Variants in PIEZO1 observed in about 807,000 individuals in gnomAD.
The protein encoded by PIEZO1 is piezo type mechanosensitive ion channel component 1 (Er blood group), also known as piezo-type mechanosensitive ion channel component 1.
A neutral mutation model predicts 297.2 loss-of-function variants in PIEZO1; 296 were observed. That is an observed-to-expected ratio of 1.00 (90% CI 0.91 to 1.10). The LOEUF is 1.10. Ranked by LOEUF, PIEZO1 falls within the 50% of genes least tolerant of loss-of-function variation. The probability of loss-of-function intolerance (pLI) is 0.00; values close to 1 mark genes in which losing one functional copy is unlikely to be tolerated. For missense variants in PIEZO1, 5,018 were observed against 3,455.5 expected (o/e 1.45, Z -11.34); for synonymous variants, 2,427 against 1,507.5 (o/e 1.61, Z -14.13).
intron 1 of PIEZO1, among the ~76,000 whole-genome samples, chr16:88,753,534 C>T (rs1262949231): frequency 2.0e-5 from 3 of 152,006 alleles, no homozygotes; most frequent in East Asian, 1.9e-4. Context: ...TCGGAGTAGC[C>T]GGCTAGCAGG....
At chr16:88,731,564 A>G (rs896324781) in intron 22 of PIEZO1, 142 bp downstream of exon 22, 5 of 634,568 alleles carry the variant, frequency 7.9e-6, no homozygotes, top group African/African-American at 5.5e-5. Context: ...CCTGGGTAGG[A>G]TGTGGAGCAG....
In PIEZO1 at chr16:88,732,742, G is replaced by C. The variant is rs759526354; in HGVS notation, c.2665-10C>G. 2 of 1,538,830 alleles carry C rather than the reference G, an allele frequency of 1.3e-6. No homozygotes were observed. Among genetic ancestry groups the C allele is most frequent in the Non-Finnish European group, 1.8e-6 (2 of 1,140,062 alleles). On this transcript the variant is annotated splice_polypyrimidine_tract_variant and intron_variant, in intron 19 of 50. Transcript: ENST00000301015. ...TGCTGTTGGGGAAGGGCTGGCAAGA[G>C]GCCAGGCATCAGTGCCCCCTCCCAG... is the stretch of plus-strand genomic sequence containing the variant.
chr16:88,724,616 C>G (rs1347634973), intron 30 of PIEZO1, among the ~76,000 whole-genome samples: 4 of 151,842 alleles, frequency 2.6e-5, no homozygotes, highest in Non-Finnish European at 5.9e-5. Context: ...ATCACTTGAA[C>G]CCGGGAGGTA....
At chr16:88,752,582 G>C (rs552710666) in intron 1 of PIEZO1, among the ~76,000 whole-genome samples, 1 of 152,356 alleles carries the variant, frequency 6.6e-6, no homozygotes, top group East Asian at 1.9e-4. Context: ...GGCTGCAAGG[G>C]GCTGGGGCTG....
intron 42 of PIEZO1, 43 bp from the exon 43 acceptor site, chr16:88,720,003 C>T (rs1004677873): frequency 2.6e-6 from 4 of 1,549,084 alleles, no homozygotes; most frequent in Non-Finnish European, 3.5e-6. Flanking sequence ...CAGAAACAGC[C>T]CCGCAGGGCC....
At position 88,742,368 on chromosome 16, in the gene PIEZO1, A is replaced by G; in HGVS notation, c.215T>C (p.Val72Ala). ...GCAGATCTGGAGGGCGAGATGGGCC[A>G]CCAGGAAGAGCAGGCTGAGGCCCAG... ...ALLGLSLLFL[V>A]AHLALQICLH... is the part of the protein sequence containing the mutation. The change falls in exon 3 of 51, where the codon GTG becomes GCG. Residue 72 changes from valine to alanine, a missense_variant. Coordinates refer to ENST00000301015, the MANE Select transcript of PIEZO1 (RefSeq NM_001142864.4). 1 of 1,535,350 alleles carries G rather than the reference A, an allele frequency of 6.5e-7. No homozygotes were observed. The highest frequency in any genetic ancestry group is 1.2e-5 in the South Asian group (1 of 84,046).
rs1393410170 is a variant in PIEZO1 at position 88,736,150 on chromosome 16, T to C, written c.1555A>G (p.Met519Val). The C allele has an allele frequency of 3.2e-6, 5 of 1,543,740 alleles. No homozygotes were observed. The highest frequency in any genetic ancestry group is 1.4e-5 in the African/African-American group (1 of 72,920). Residue 519 changes from methionine (M) to valine (V), a missense_variant and splice_region_variant, in exon 12 of 51, where the codon ATG becomes GTG. Met to Val is a conservative substitution (Grantham distance 21). Coordinates refer to ENST00000301015, the MANE Select transcript of PIEZO1 (RefSeq NM_001142864.4). The stretch of plus-strand genomic sequence containing the variant: ...CGGATGTGGTGGTGCACACTCACCA[T>C]GGCACCAAGGTCCAGACAGGGGTAG... ...TRYPCLDLGA[M>V]LLYTLTFWLL...
chr16:88,725,902 G>A, intron 27 of PIEZO1: 1 of 578,142 alleles, frequency 1.7e-6, no homozygotes, highest in South Asian at 2.1e-5. Context: ...GGCGTCTGGT[G>A]GCACCCACCC....
chr16:88,724,544 A>G (rs911996582), intron 30 of PIEZO1, among the ~76,000 whole-genome samples: 3 of 151,546 alleles, frequency 2.0e-5, no homozygotes, highest in Non-Finnish European at 4.4e-5. Context: ...AAAAAAAAAA[A>G]AAAGGCCTGG....
Position 88,726,974 on chromosome 16 carries a change from G to A in PIEZO1, c.3456-16C>T, listed in dbSNP as rs145884688. The A allele has an allele frequency of 9.7e-5, 150 of 1,549,906 alleles. No homozygotes were observed. The East Asian group carries it at 2.7e-3, about 28-fold the overall frequency. The stretch of plus-strand genomic sequence containing the variant: ...AAGGTAGGACCTGCCAGGCCGGAGC[G>A]TCAGGGCGGGCGCCCCGGCCACCCC... On this transcript the variant is annotated splice_polypyrimidine_tract_variant and intron_variant, in intron 24 of 50. Coordinates refer to ENST00000301015, the MANE Select transcript of PIEZO1 (RefSeq NM_001142864.4).
chr16:88,727,543 T>TG lies in PIEZO1; in HGVS notation c.3301+13dup. ...GGGTCCTCTGCAGAGGCGGGGGTGGTGGGGGGCACTCACTGATGAGGTTGG... is the reference window on the plus strand; with the variant it reads ...GGGTCCTCTGCAGAGGCGGGGGTGGTGGGGGGGCACTCACTGATGAGGTTGG... On this transcript the variant is annotated intron_variant, in intron 23 of 50. Transcript: ENST00000301015. 1.1e-6 allele frequency: 1 copy of TG among 892,780 alleles called. No homozygotes were observed. 55.3% of individuals were successfully genotyped at this position (892,780 alleles called of 1,614,324 possible).
At chr16:88,751,392 C>G (rs1238561156) in intron 1 of PIEZO1, among the ~76,000 whole-genome samples, 1 of 152,228 alleles carries the variant, frequency 6.6e-6, no homozygotes, top group African/African-American at 2.4e-5. Flanking sequence ...CCTCCCTTCC[C>G]ACTCTCAACA....
intron 22 of PIEZO1, among the ~76,000 whole-genome samples, chr16:88,729,081 G>C (rs113070526): frequency 8.3e-5 from 2 of 24,228 alleles, no homozygotes; most frequent in Admixed American, 3.2e-4. Flanking sequence ...AGTGACCCTC[G>C]ATGCTGGGGA....
Position 88,785,049 on chromosome 16 carries a change from A to G in PIEZO1, c.-85T>C. ...GCGGGGGCCCCGGGGCCGGCGCGCC[A>G]TGGCTGACCCGCGGGGACCCGCGCG... is the stretch of plus-strand genomic sequence containing the variant. On this transcript the variant is annotated 5_prime_UTR_variant, in exon 1 of 51. It removes an upstream start codon present in the reference 5' UTR. Transcript: ENST00000301015. 2.5e-6 allele frequency: 2 copies of G among 809,824 alleles called. No homozygotes were observed. Among genetic ancestry groups the G allele is most frequent in the Non-Finnish European group, 3.2e-6 (2 of 620,822 alleles). 50.2% of individuals were successfully genotyped at this position (809,824 alleles called of 1,614,324 possible).
Position 88,720,532 on chromosome 16 carries a change from C to G in PIEZO1, c.5802G>C (p.Leu1934=). The G allele has an allele frequency of 1.3e-6, 2 of 1,549,812 alleles. No homozygotes were observed. The highest frequency in any genetic ancestry group is 8.7e-7 in the Non-Finnish European group (1 of 1,146,886). Residue 1934 remains leucine (L), a splice_region_variant and synonymous_variant, in exon 41 of 51, where the codon CTG becomes CTC. Coordinates refer to ENST00000301015, the MANE Select transcript of PIEZO1 (RefSeq NM_001142864.4). ...GTAGCGGCCGATATGTGCCCTGGGC[C>G]CTGCGGAAGGGGGCGCTCAGCCTGG... ...GRRLQGFCLS[L]AQGTYRPLRR...
At chr16:88,750,666 C>CA (rs1304584349) in intron 1 of PIEZO1, among the ~76,000 whole-genome samples, 1 of 152,248 alleles carries the variant, frequency 6.6e-6, no homozygotes, top group East Asian at 1.9e-4. Flanking sequence ...ACGTGCTAGC[C>CA]AGGCCTGCTT....
rs1177381715 is a variant in PIEZO1 at position 88,737,928 on chromosome 16, G to A, written c.1020+6C>T. 1.3e-6 allele frequency: 2 copies of A among 1,530,124 alleles called. No individual in the cohort carries two copies. Among genetic ancestry groups the A allele is most frequent in the Admixed American group, 2.0e-5 (1 of 50,726 alleles). The allele number at this position is 1,530,124 out of a possible 1,614,324, so 94.8% of individuals were successfully genotyped here. Reference sequence around the variant, plus strand: ...AGCCCACCCACCATGGGTGGCAGGTGCTCACCTGGCCGGAGGGGCGGTACG... The same window carrying A: ...AGCCCACCCACCATGGGTGGCAGGTACTCACCTGGCCGGAGGGGCGGTACG... On this transcript the variant is annotated splice_donor_region_variant and intron_variant, in intron 8 of 50. Coordinates refer to ENST00000301015, the MANE Select transcript of PIEZO1 (RefSeq NM_001142864.4).
chr16:88,728,515 C>T (rs12598827), intron 22 of PIEZO1, among the ~76,000 whole-genome samples: 14,728 of 96,066 alleles, frequency 0.15, 541 homozygotes, highest in East Asian at 0.44. Context: ...CATGCTGAAC[C>T]CACAGCCCCA....
intron 1 of PIEZO1, among the ~76,000 whole-genome samples, chr16:88,768,525 C>G (rs1265697531): frequency 2.0e-5 from 3 of 152,254 alleles, no homozygotes; most frequent in African/African-American, 7.2e-5. Flanking sequence ...AAAACTAATC[C>G]AATTCCTAAC....
Sources: gnomAD v4.1 joint callset for allele counts (sites outside exome capture counted in the v4.1 genomes callset) on GRCh38, gnomAD v4.1.1 for gene constraint, MANE v1.5 for transcripts, NCBI Gene and HGNC (gene_info 2026-07-23, HGNC 2026-07-21) for gene names.